Variants in RAB9B observed in about 807,000 individuals in gnomAD.
RAB9B encodes ras-related protein Rab-9B.
A neutral mutation model predicts 8.9 loss-of-function variants in RAB9B; 1 was observed. The observed-to-expected ratio is 0.11, with a 90% confidence interval of 0.04 to 0.53. The LOEUF is 0.53. Among genes scored for constraint, RAB9B ranks in the 20% least tolerant of loss-of-function variants. The pLI is 0.93. For synonymous variants in RAB9B, 63 were observed against 57.0 expected, an observed-to-expected ratio of 1.10 and a Z score of -0.47; for missense variants, 82 against 152.9, an observed-to-expected ratio of 0.54 and a Z score of 2.45.
the RAB9B span, among the ~76,000 whole-genome samples, chrX:103,810,321 A>G: frequency 9.0e-6 from 1 of 111,453 alleles, no homozygotes; most frequent in Admixed American, 9.5e-5. Flanking sequence ...TGAGGTCTGG[A>G]TGCCTGTTGG....
At chrX:103,800,887 T>G in the RAB9B span, among the ~76,000 whole-genome samples, 1 of 111,694 alleles carries the variant, frequency 9.0e-6, no homozygotes, top group East Asian at 2.8e-4. Context: ...CTGGGACAAC[T>G]CCAATTGTTT....
the RAB9B span, among the ~76,000 whole-genome samples, chrX:103,815,798 C>G: frequency 8.1e-5 from 9 of 111,773 alleles, no homozygotes; most frequent in South Asian, 1.5e-3. Context: ...AACAGACAAA[C>G]AGAGAGCCAA....
At chrX:103,831,607 G>C (rs2074703898) in intron 1 of RAB9B, among the ~76,000 whole-genome samples, 1 of 105,156 alleles carries the variant, frequency 9.5e-6, no homozygotes, top group Non-Finnish European at 2.0e-5. Flanking sequence ...ATGACATCAA[G>C]CGAGCTGAAC....
the RAB9B span, chrX:103,781,293 T>C: frequency 5.2e-5 from 17 of 327,917 alleles, no homozygotes; most frequent in Non-Finnish European, 9.5e-5. Flanking sequence ...AGTCCCTTGA[T>C]GAACCTGGAT....
chrX:103,776,897 A>T, the RAB9B span: 1 of 806,801 alleles, frequency 1.2e-6, no homozygotes, highest in South Asian at 2.2e-5. Context: ...AAAAGACCGA[A>T]GAAGGAGGCT....
chrX:103,815,970 A>G, the RAB9B span, among the ~76,000 whole-genome samples: 1 of 112,154 alleles, frequency 8.9e-6, no homozygotes, highest in East Asian at 2.8e-4. Flanking sequence ...GCACATGGAT[A>G]TGAAGAATCA....
chrX:103,828,371 A>G (rs774261132), intron 1 of RAB9B, among the ~76,000 whole-genome samples: 2 of 112,207 alleles, frequency 1.8e-5, no homozygotes, highest in South Asian at 7.4e-4. Context: ...CCTGCTCCCA[A>G]ATTGCTGTCT....
chrX:103,782,103 T>A, the RAB9B span, among the ~76,000 whole-genome samples: 1 of 112,670 alleles, frequency 8.9e-6, no homozygotes. Flanking sequence ...TTTTCTCAGT[T>A]AGAATCTAAA....
At chrX:103,778,647 A>G in the RAB9B span, among the ~76,000 whole-genome samples, 2 of 111,835 alleles carry the variant, frequency 1.8e-5, no homozygotes, top group African/African-American at 6.5e-5. Flanking sequence ...GAAGAGTGCC[A>G]CAGATAAGGG....
the RAB9B span, among the ~76,000 whole-genome samples, chrX:103,813,914 C>A: frequency 9.1e-6 from 1 of 110,295 alleles, no homozygotes; most frequent in Non-Finnish European, 1.9e-5. Flanking sequence ...GCACCCAATA[C>A]AGGAGCACCC....
At chrX:103,806,853 C>T in the RAB9B span, among the ~76,000 whole-genome samples, 1 of 93 alleles carries the variant, frequency 0.011, no homozygotes, top group Non-Finnish European at 0.026. Flanking sequence ...AGAATGTACT[C>T]AGACCGCAGA....
At chrX:103,831,313 A>G (rs2074702571) in intron 1 of RAB9B, among the ~76,000 whole-genome samples, 2 of 107,980 alleles carry the variant, frequency 1.9e-5, no homozygotes, top group Non-Finnish European at 3.8e-5. Flanking sequence ...GACGCACTGG[A>G]TTCATTTTGC....
chrX:103,813,776 G>C, the RAB9B span, among the ~76,000 whole-genome samples: 2 of 70,507 alleles, frequency 2.8e-5, no homozygotes, highest in Admixed American at 1.7e-4. Context: ...AAAAAAGCAG[G>C]AGTGGCAATC....
At chrX:103,800,226 C>T in the RAB9B span, among the ~76,000 whole-genome samples, 1 of 108,352 alleles carries the variant, frequency 9.2e-6, no homozygotes, top group Non-Finnish European at 1.9e-5. Flanking sequence ...ACATATTTCT[C>T]TACAGTCTAG....
rs1321642335 is a variant in RAB9B, at chrX:103,824,945, A to C, written c.*234T>G. On this transcript the variant is annotated 3_prime_UTR_variant, in exon 3 of 3. Coordinates refer to ENST00000243298, the MANE Select transcript of RAB9B (RefSeq NM_016370.4). ...TCTGATATGTCCTGAGACACACAAGAAGGGGAAATAGCAGAAATCACGCAA... is the reference window on the plus strand; with the variant it reads ...TCTGATATGTCCTGAGACACACAAGCAGGGGAAATAGCAGAAATCACGCAA... The C allele has an allele frequency of 6.4e-6, 2 of 311,643 alleles. No homozygotes were observed. Among genetic ancestry groups the C allele is most frequent in the African/African-American group, 5.4e-5 (2 of 37,184 alleles). 25.7% of individuals were successfully genotyped at this position (311,643 alleles called of 1,213,427 possible).
At chrX:103,813,745 C>CAAAAAAAAAAAAAAAAAAAAAAAAAA in the RAB9B span, among the ~76,000 whole-genome samples, 1 of 8,542 alleles carries the variant, frequency 1.2e-4, no homozygotes, top group Non-Finnish European at 1.9e-4. Context: ...AAATGGAAAG[C>CAAAAAAAAAAAAAAAAAAAAAAAAAA]AAAAAAAAAA....
chrX:103,802,721 T>C, the RAB9B span, among the ~76,000 whole-genome samples: 1 of 111,885 alleles, frequency 8.9e-6, no homozygotes, highest in Non-Finnish European at 1.9e-5. Flanking sequence ...GTTTTATTAA[T>C]AGTATGCTCA....
chrX:103,819,552 A>G (rs1307621647), downstream of RAB9B, among the ~76,000 whole-genome samples: 1 of 111,574 alleles, frequency 9.0e-6, no homozygotes, highest in Non-Finnish European at 1.9e-5. Flanking sequence ...TTCACTGGGA[A>G]AATATTAAGT....
chrX:103,815,855 G>C, the RAB9B span, among the ~76,000 whole-genome samples: 7 of 111,405 alleles, frequency 6.3e-5, no homozygotes, highest in African/African-American at 2.3e-4. Context: ...AGAATAAAGT[G>C]CCTAGGAATA....
Sources: gnomAD v4.1 joint callset for allele counts (sites outside exome capture counted in the v4.1 genomes callset) on GRCh38, gnomAD v4.1.1 for gene constraint, MANE v1.5 for transcripts, NCBI Gene and HGNC (gene_info 2026-07-23, HGNC 2026-07-21) for gene names.